The following TMEM117 variants were observed in gnomAD, a reference collection of about 807,000 sequenced individuals.
The protein encoded by TMEM117 is transmembrane protein 117.
A neutral mutation model predicts 52.4 loss-of-function variants in TMEM117; 27 were observed. The ratio of observed to expected loss-of-function variants is 0.51; its 90% CI spans 0.38 to 0.71. The LOEUF (loss-of-function observed/expected upper bound fraction) is 0.71. Among genes scored for constraint, TMEM117 ranks in the 30% least tolerant of loss-of-function variants. The probability of loss-of-function intolerance (pLI) is 0.00; values close to 1 mark genes in which losing one functional copy is unlikely to be tolerated. For synonymous variants in TMEM117, 215 were observed against 206.3 expected (o/e 1.04, Z -0.36); for missense variants, 556 against 630.5 (o/e 0.88, Z 1.26).
At chr12:44,291,279 G>T (rs904262376) in intron 5 of TMEM117, among the ~76,000 whole-genome samples, 2 of 150,462 alleles carry the variant, frequency 1.3e-5, no homozygotes, top group South Asian at 4.2e-4. Flanking sequence ...ATTCTTTTTA[G>T]ATGGTTTATT....
intron 4 of TMEM117, among the ~76,000 whole-genome samples, chr12:44,167,502 A>T (rs1247501745): frequency 6.6e-6 from 1 of 152,080 alleles, no homozygotes; most frequent in East Asian, 1.9e-4. Context: ...CCCCGTCTCT[A>T]CTAAAAATAC....
chr12:43,865,295 C>A (rs948637386), intron 2 of TMEM117, among the ~76,000 whole-genome samples: 1 of 152,108 alleles, frequency 6.6e-6, no homozygotes, highest in African/African-American at 2.4e-5. Flanking sequence ...TAAAGTCCTT[C>A]TAACTTTACC....
intron 3 of TMEM117, among the ~76,000 whole-genome samples, chr12:44,017,825 A>G (rs1404856818): frequency 6.6e-6 from 1 of 152,164 alleles, no homozygotes; most frequent in Non-Finnish European, 1.5e-5. Flanking sequence ...AGGTTCTTCA[A>G]TGTGTGTTTT....
the TMEM117 span, chr12:43,798,646 A>C: frequency 6.9e-7 from 1 of 1,444,896 alleles, no homozygotes. Context: ...ATCACATAAA[A>C]AGCCCTACTC....
At chr12:44,221,361 G>A (rs1353770526) in intron 5 of TMEM117, among the ~76,000 whole-genome samples, 1 of 152,136 alleles carries the variant, frequency 6.6e-6, no homozygotes, top group African/African-American at 2.4e-5. Flanking sequence ...GCCTACTTAT[G>A]CATAAACCTC....
intron 4 of TMEM117, among the ~76,000 whole-genome samples, chr12:44,187,634 C>A (rs527360871): frequency 2.6e-5 from 4 of 152,126 alleles, no homozygotes; most frequent in Non-Finnish European, 5.9e-5. Flanking sequence ...TGTGCTGGGT[C>A]TTGAGTTATA....
chr12:44,390,292 C>T (rs575728405), downstream of TMEM117, among the ~76,000 whole-genome samples: 7 of 151,830 alleles, frequency 4.6e-5, no homozygotes, highest in South Asian at 1.2e-3. Context: ...AGGAACTTAC[C>T]ATGTATGTCT....
rs768842831 is a variant in TMEM117 at position 44,388,134 on chromosome 12, C to CG, written c.1011dup (p.Gln338AlafsTer30). 6.2e-7 allele frequency: 1 copy of CG among 1,612,886 alleles called. No individual in the cohort carries two copies. Among genetic ancestry groups the CG allele is most frequent in the Non-Finnish European group, 8.5e-7 (1 of 1,179,494 alleles). On this transcript the variant is annotated frameshift_variant, in exon 8 of 8. Coordinates refer to ENST00000266534, the MANE Select transcript of TMEM117 (RefSeq NM_032256.3). LOFTEE classifies it high-confidence loss of function. ...CATGAATATGGGCAATATATCGGCCCGGGGCAGAAGATATATACAGTGAAA... is the reference window on the plus strand; with the variant it reads ...CATGAATATGGGCAATATATCGGCCCGGGGGCAGAAGATATATACAGTGAAA...
intron 3 of TMEM117, among the ~76,000 whole-genome samples, chr12:43,977,670 T>G (rs889814703): frequency 1.2e-4 from 19 of 152,172 alleles, no homozygotes; most frequent in African/African-American, 4.6e-4. Context: ...AGCATATTTT[T>G]AAGAGTGGAA....
In TMEM117 at chr12:44,380,347, A is replaced by G. The variant is rs1415041591; in HGVS notation, c.898+3623A>G. Among the ~76,000 whole-genome samples, 7 of 152,258 alleles carry G rather than the reference A, an allele frequency of 4.6e-5. No individual in the cohort carries two copies. The South Asian group carries it at 1.5e-3, about 32-fold the overall frequency. On this transcript the variant is annotated intron_variant, in intron 7 of 7. Coordinates refer to ENST00000266534, the MANE Select transcript of TMEM117 (RefSeq NM_032256.3). Reference sequence around the variant, plus strand: ...AGCCAGGGATGGGAAGGGAACCTGTAGAACCCCAGACGGCTCCCTCTTTTG... The same window carrying G: ...AGCCAGGGATGGGAAGGGAACCTGTGGAACCCCAGACGGCTCCCTCTTTTG...
In TMEM117 at chr12:43,996,791, G is replaced by A. The variant is rs117406722; in HGVS notation, c.410+52449G>A. ...CATATCCCAGTGGCAGTCTTTAGTC[G>A]GATCAGAGATGGGCACTTGACTCAA... On this transcript the variant is annotated intron_variant, in intron 3 of 7. Transcript: ENST00000266534. Among the ~76,000 whole-genome samples the A allele has an allele frequency of 6.3e-3, 965 of 152,178 alleles. 5 individuals are homozygous for A. The highest frequency in any genetic ancestry group is 9.7e-3 in the Non-Finnish European group (663 of 68,012).
At chr12:44,129,058 C>T (rs752611349) in intron 3 of TMEM117, among the ~76,000 whole-genome samples, 4 of 152,164 alleles carry the variant, frequency 2.6e-5, no homozygotes, top group African/African-American at 9.7e-5. Flanking sequence ...TGTTAGTGTG[C>T]TACATGGTGT....
chr12:43,823,460 C>T, the TMEM117 span, among the ~76,000 whole-genome samples: 1 of 152,182 alleles, frequency 6.6e-6, no homozygotes, highest in Non-Finnish European at 1.5e-5. Context: ...TGAAAACAAT[C>T]TCACAGTAGA....
chr12:44,088,857 A>G (rs1405853151), intron 3 of TMEM117, among the ~76,000 whole-genome samples: 1 of 152,224 alleles, frequency 6.6e-6, no homozygotes, highest in Non-Finnish European at 1.5e-5. Context: ...TGCCTCCAGC[A>G]CTAGACTAAA....
chr12:44,035,392 C>T (rs1022893790), intron 3 of TMEM117, among the ~76,000 whole-genome samples: 6 of 152,084 alleles, frequency 3.9e-5, no homozygotes, highest in Non-Finnish European at 7.4e-5. Context: ...TTACTGTATG[C>T]GCAATGCTGG....
At chr12:44,313,603 T>C (rs1479106022) in intron 6 of TMEM117, among the ~76,000 whole-genome samples, 1 of 152,216 alleles carries the variant, frequency 6.6e-6, no homozygotes, top group Non-Finnish European at 1.5e-5. Context: ...TCTCTTTTGG[T>C]TCAATATGAG....
Position 44,331,097 on chromosome 12 carries a change from G to T in TMEM117, c.768+31358G>T, listed in dbSNP as rs193101797. ...CATTTATGATTTGGTCAATTTCTGTGTGGAGGTGACCACTGAATATTTGAT... is the reference window on the plus strand; with the variant it reads ...CATTTATGATTTGGTCAATTTCTGTTTGGAGGTGACCACTGAATATTTGAT... On this transcript the variant is annotated intron_variant, in intron 6 of 7. Transcript: ENST00000266534. 4.0e-3 allele frequency among the ~76,000 whole-genome samples: 606 copies of T among 151,882 alleles called. 5 individuals carry two copies. The highest frequency in any genetic ancestry group is 0.014 in the Middle Eastern group (4 of 294).
chr12:44,087,108 C>G (rs952276808), intron 3 of TMEM117, among the ~76,000 whole-genome samples: 1 of 150,722 alleles, frequency 6.6e-6, no homozygotes, highest in Non-Finnish European at 1.5e-5. Context: ...CTTATACACA[C>G]TGTCATAGAT....
chr12:43,955,157 C>A (rs546096946), intron 3 of TMEM117, among the ~76,000 whole-genome samples: 34 of 152,070 alleles, frequency 2.2e-4, no homozygotes, highest in Non-Finnish European at 3.7e-4. Context: ...CCATTTATGA[C>A]AAAAAACAGT....
Sources: gnomAD v4.1 joint callset for allele counts (sites outside exome capture counted in the v4.1 genomes callset) on GRCh38, gnomAD v4.1.1 for gene constraint, MANE v1.5 for transcripts, NCBI Gene and HGNC (gene_info 2026-07-23, HGNC 2026-07-21) for gene names.